The following IL21R variants were observed in gnomAD, a reference collection of about 807,000 sequenced individuals.
IL21R encodes interleukin 21 receptor, also known as interleukin-21 receptor.
Under a neutral mutation model 41.3 loss-of-function variants are expected in IL21R, and 14 were observed. The ratio of observed to expected loss-of-function variants is 0.34; its 90% confidence interval spans 0.22 to 0.53. IL21R has a LOEUF of 0.53. IL21R is among the 20% of genes least tolerant of loss of function. The pLI is 0.94. For missense variants in IL21R, 588 were observed against 681.6 expected (o/e 0.86, Z 1.53); for synonymous variants, 286 against 287.6 (o/e 0.99, Z 0.05).
rs760633977 is a variant in IL21R at position 27,445,203 on chromosome 16, C to G, written c.712C>G (p.Leu238Val). The change falls in exon 7 of 9, where the codon CTG becomes GTG. Residue 238 changes from leucine (L) to valine (V), a missense_variant. Leu to Val is a conservative substitution (Grantham distance 32). Transcript: ENST00000337929. ...GTTAAAGGAAGGCTGGAACCCTCACCTGCTGCTTCTCCTCCTGCTTGTCAT... is the reference window on the plus strand; with the variant it reads ...GTTAAAGGAAGGCTGGAACCCTCACGTGCTGCTTCTCCTCCTGCTTGTCAT... Reference protein sequence around the residue: ...EELKEGWNPHLLLLLLLVIVF... With the variant: ...EELKEGWNPHVLLLLLLVIVF... 4 of 1,614,010 alleles carry G rather than the reference C, an allele frequency of 2.5e-6. No individual in the cohort carries two copies. The East Asian group carries it at 6.7e-5, about 27-fold the overall frequency.
chr16:27,419,077 T>TG (rs1469976992), intron 1 of IL21R, among the ~76,000 whole-genome samples: 5 of 151,908 alleles, frequency 3.3e-5, no homozygotes, highest in Non-Finnish European at 5.9e-5. Context: ...TGGCCAAGCA[T>TG]GGTGGCGGGC....
At chr16:27,407,255 G>A (rs2086762355) in intron 1 of IL21R, among the ~76,000 whole-genome samples, 3 of 152,192 alleles carry the variant, frequency 2.0e-5, no homozygotes, top group Admixed American at 2.0e-4. Context: ...GAGAGCTCAT[G>A]CTTCAGTACA....
intron 4 of IL21R, among the ~76,000 whole-genome samples, chr16:27,438,092 A>G (rs1486881957): frequency 6.6e-6 from 1 of 152,080 alleles, no homozygotes; most frequent in Non-Finnish European, 1.5e-5. Context: ...AATAGGTTTG[A>G]GAGGTATTGA....
At chr16:27,419,820 TTATTATTATTATTA>T (rs2086970778) in intron 1 of IL21R, among the ~76,000 whole-genome samples, 2 of 8,094 alleles carry the variant, frequency 2.5e-4, no homozygotes, top group African/African-American at 9.9e-4. Context: ...ACATAGTTTA[TTATTATTATTATTA>T]TTATTATTAT....
At chr16:27,436,232 C>T (rs950554030) in intron 3 of IL21R, among the ~76,000 whole-genome samples, 2 of 152,234 alleles carry the variant, frequency 1.3e-5, no homozygotes, top group Non-Finnish European at 2.9e-5. Context: ...CTGCCCCAAA[C>T]AGGATACTTT....
At chr16:27,430,631 C>T (rs1157166979) in intron 2 of IL21R, among the ~76,000 whole-genome samples, 1 of 152,084 alleles carries the variant, frequency 6.6e-6, no homozygotes, top group African/African-American at 2.4e-5. Flanking sequence ...GCCTGGGCAA[C>T]ATGGTGAAGC....
intron 4 of IL21R, among the ~76,000 whole-genome samples, chr16:27,438,130 T>C (rs963114747): frequency 6.6e-5 from 10 of 152,178 alleles, no homozygotes; most frequent in Admixed American, 6.5e-4. Flanking sequence ...CCGGGACTTC[T>C]GGGTTCGTGT....
intron 1 of IL21R, among the ~76,000 whole-genome samples, chr16:27,429,305 C>T (rs1407219735): frequency 2.0e-5 from 3 of 152,162 alleles, no homozygotes; most frequent in Non-Finnish European, 4.4e-5. Context: ...AAAATTGCTC[C>T]TCAGCAGATC....
chr16:27,430,714 C>CTGAGGCGGGAGGATTGCT (rs2087156063), intron 2 of IL21R, among the ~76,000 whole-genome samples: 1 of 152,076 alleles, frequency 6.6e-6, no homozygotes, highest in Admixed American at 6.5e-5. Flanking sequence ...TTTTGTGGGG[C>CTGAGGCGGGAGGATTGCT]TGAGGCGGGA....
intron 1 of IL21R, among the ~76,000 whole-genome samples, chr16:27,411,206 T>A (rs1180689561): frequency 2.0e-5 from 3 of 151,994 alleles, no homozygotes; most frequent in Non-Finnish European, 2.9e-5. Flanking sequence ...ATTAAAAAAA[T>A]TTTTTAAAGT....
Position 27,450,228 on chromosome 16 carries a change from C to T in IL21R, c.*945C>T, listed in dbSNP as rs2087568167. ...TTCGTCTCTTGGAAACAGCTCCCCA[C>T]CAACCAAGATTTCTTTTTCTAACTT... is the stretch of plus-strand genomic sequence containing the variant. On this transcript the variant is annotated 3_prime_UTR_variant, in exon 9 of 9. Transcript: ENST00000337929. The T allele has an allele frequency of 8.6e-6, 2 of 232,854 alleles. No homozygotes were observed. The highest frequency in any genetic ancestry group is 1.1e-4 in the Admixed American group (2 of 17,778). 14.4% of individuals were successfully genotyped at this position (232,854 alleles called of 1,614,324 possible).
chr16:27,424,819 T>C (rs2087049033), intron 1 of IL21R, among the ~76,000 whole-genome samples: 1 of 152,182 alleles, frequency 6.6e-6, no homozygotes, highest in Non-Finnish European at 1.5e-5. Context: ...AGAGGTTTAA[T>C]TGGCTCATGG....
chr16:27,425,331 T>G (rs564140801), intron 1 of IL21R, among the ~76,000 whole-genome samples: 7 of 152,094 alleles, frequency 4.6e-5, no homozygotes, highest in African/African-American at 1.4e-4. Context: ...GTAGGCCCCA[T>G]TTGGTGCTGT....
Position 27,437,654 on chromosome 16 carries a change from C to T in IL21R, c.319C>T (p.Gln107Ter). The change falls in exon 4 of 9, where the codon CAG becomes TAG. Residue 107 changes from glutamine to a stop codon, truncating the protein, a stop_gained. Transcript: ENST00000337929. LOFTEE classifies it high-confidence loss of function. ...NITDQSGNYS[Q>*]ECGSFLLAES... ...CACAGACCAGTCTGGCAACTACTCCCAGGAGTGTGGCAGCTTTCTCCTGGC... is the reference window on the plus strand; with the variant it reads ...CACAGACCAGTCTGGCAACTACTCCTAGGAGTGTGGCAGCTTTCTCCTGGC... 1 of 1,614,202 alleles carries T rather than the reference C, an allele frequency of 6.2e-7. No homozygotes were observed. Among genetic ancestry groups the T allele is most frequent in the Non-Finnish European group, 8.5e-7 (1 of 1,180,028 alleles).
intron 1 of IL21R, among the ~76,000 whole-genome samples, chr16:27,426,755 A>G (rs999823993): frequency 1.3e-5 from 2 of 152,230 alleles, no homozygotes; most frequent in African/African-American, 4.8e-5. Flanking sequence ...CAGAGAATAA[A>G]AGAGCCAGAG....
At chr16:27,446,776 C>T (rs541089516) in intron 8 of IL21R, among the ~76,000 whole-genome samples, 14 of 152,184 alleles carry the variant, frequency 9.2e-5, no homozygotes, top group East Asian at 1.9e-4. Context: ...GCCTGGCCCA[C>T]GGGGCAAAAC....
chr16:27,439,934 C>G (rs891806437), intron 4 of IL21R, among the ~76,000 whole-genome samples: 2 of 152,090 alleles, frequency 1.3e-5, no homozygotes, highest in African/African-American at 2.4e-5. Context: ...TTCTCAGTAC[C>G]CTGGTGTCTT....
intron 1 of IL21R, among the ~76,000 whole-genome samples, chr16:27,417,526 A>T (rs932146484): frequency 3.3e-5 from 5 of 152,134 alleles, no homozygotes; most frequent in African/African-American, 1.2e-4. Flanking sequence ...ACAGTCATAC[A>T]TTGCTTAATG....
rs371171399 is a variant in IL21R, at chr16:27,442,406, C to T, written c.353-556C>T. Among the ~76,000 whole-genome samples, 46 of 152,266 alleles carry T rather than the reference C, an allele frequency of 3.0e-4. No individual in the cohort carries two copies. The East Asian group carries it at 4.4e-3, about 15-fold the overall frequency. On this transcript the variant is annotated intron_variant, in intron 4 of 8. Transcript: ENST00000337929. Reference sequence around the variant, plus strand: ...TGAGATGGAGTCTCGCTCTGTCGCCCGGGCTGGAGTGCAGTGGCGCAATCT... The same window carrying T: ...TGAGATGGAGTCTCGCTCTGTCGCCTGGGCTGGAGTGCAGTGGCGCAATCT...
Sources: gnomAD v4.1 joint callset for allele counts (sites outside exome capture counted in the v4.1 genomes callset) on GRCh38, gnomAD v4.1.1 for gene constraint, MANE v1.5 for transcripts, NCBI Gene and HGNC (gene_info 2026-07-23, HGNC 2026-07-21) for gene names.